The following DPP10 variants were observed in gnomAD, a reference collection of about 807,000 sequenced individuals.
DPP10 encodes dipeptidyl peptidase like 10.
DPP10 carries 33 observed loss-of-function variants against 120.9 expected under a neutral mutation model. The observed-to-expected ratio is 0.27, with a 90% CI of 0.21 to 0.37. DPP10 has a LOEUF of 0.37. Among genes scored for constraint, DPP10 ranks in the 10% least tolerant of loss-of-function variants. The pLI, the probability that DPP10 is intolerant of heterozygous loss-of-function variation, is 1.00. For missense variants in DPP10, 816 were observed against 942.8 expected, an observed-to-expected ratio of 0.87 and a Z score of 1.76; for synonymous variants, 337 against 326.1, an observed-to-expected ratio of 1.03 and a Z score of -0.36.
At chr2:115,592,254 C>T (rs1352729380) in intron 5 of DPP10, among the ~76,000 whole-genome samples, 1 of 152,040 alleles carries the variant, frequency 6.6e-6, no homozygotes, top group Non-Finnish European at 1.5e-5. Flanking sequence ...GAGCATGCCC[C>T]ACAACAGGTT....
At chr2:115,402,854 A>AAAAAAAT (rs1476901026) in intron 3 of DPP10, among the ~76,000 whole-genome samples, 4 of 97,638 alleles carry the variant, frequency 4.1e-5, no homozygotes, top group South Asian at 3.5e-4. Flanking sequence ...AAAAAAAAAA[A>AAAAAAAT]ATATATATAT....
chr2:114,586,138 C>G (rs1690964034), intron 1 of DPP10, among the ~76,000 whole-genome samples: 1 of 152,072 alleles, frequency 6.6e-6, no homozygotes, highest in Non-Finnish European at 1.5e-5. Context: ...GTAGTCCCAG[C>G]TACTTAGTAG....
At chr2:114,748,461 G>A (rs1302676600) in intron 1 of DPP10, among the ~76,000 whole-genome samples, 1 of 138,510 alleles carries the variant, frequency 7.2e-6, no homozygotes, top group East Asian at 2.1e-4. Flanking sequence ...GTGCAGGTTA[G>A]TTACATATGT....
intron 1 of DPP10, among the ~76,000 whole-genome samples, chr2:114,991,523 T>C (rs1363033889): frequency 1.3e-5 from 2 of 152,282 alleles, no homozygotes; most frequent in East Asian, 1.9e-4. Context: ...CATGATACAA[T>C]AGATTTCTAT....
intron 8 of DPP10, among the ~76,000 whole-genome samples, chr2:115,736,235 C>T (rs891686836): frequency 6.6e-6 from 1 of 152,134 alleles, no homozygotes; most frequent in Non-Finnish European, 1.5e-5. Context: ...AACACTACTA[C>T]TTCTACCCCT....
intron 1 of DPP10, among the ~76,000 whole-genome samples, chr2:114,900,388 C>T (rs1246350766): frequency 1.3e-5 from 2 of 152,174 alleles, no homozygotes; most frequent in African/African-American, 4.8e-5. Flanking sequence ...GGCTCCCCTT[C>T]CTTACCAATG....
At chr2:115,369,288 TC>T in intron 3 of DPP10, among the ~76,000 whole-genome samples, 2 of 152,184 alleles carry the variant, frequency 1.3e-5, no homozygotes, top group East Asian at 3.9e-4. Flanking sequence ...CAAGATTATT[TC>T]ATAAACAAGT....
chr2:115,112,224 C>T (rs1036251359), intron 1 of DPP10, among the ~76,000 whole-genome samples: 14 of 151,878 alleles, frequency 9.2e-5, no homozygotes, highest in Middle Eastern at 3.4e-3. Context: ...TAATCTTTTC[C>T]TTTATTATTC....
chr2:115,096,920 A>G lies in DPP10; in HGVS notation c.61-212319A>G, dbSNP rs532590631. On this transcript the variant is annotated intron_variant, in intron 1 of 25. Coordinates refer to ENST00000410059, the MANE Select transcript of DPP10 (RefSeq NM_020868.6). ...AAGTTTTAAGAATAAATAAATCAAT[A>G]AACATCCATTTCAATCCTGATAGTA... Among the ~76,000 whole-genome samples the G allele has an allele frequency of 3.9e-5, 6 of 152,326 alleles. No individual in the cohort carries two copies. In the South Asian group the frequency reaches 1.2e-3, roughly 32 times the overall value.
chr2:115,496,932 G>A (rs909700169), intron 3 of DPP10, among the ~76,000 whole-genome samples: 1 of 151,944 alleles, frequency 6.6e-6, no homozygotes, highest in Admixed American at 6.6e-5. Flanking sequence ...GGTTGGGGGG[G>A]ATGCAATTAT....
intron 2 of DPP10, among the ~76,000 whole-genome samples, chr2:115,335,926 T>G (rs1200472102): frequency 1.3e-5 from 2 of 152,126 alleles, no homozygotes; most frequent in Non-Finnish European, 2.9e-5. Flanking sequence ...TAGCTTGTTC[T>G]TCTTGTGGGA....
intron 1 of DPP10, among the ~76,000 whole-genome samples, chr2:115,065,146 A>C (rs1372175501): frequency 6.6e-6 from 1 of 152,202 alleles, no homozygotes; most frequent in African/African-American, 2.4e-5. Flanking sequence ...ATCATTACAC[A>C]TAACTCTGTA....
At chr2:115,386,412 A>AGT (rs1426373224) in intron 3 of DPP10, among the ~76,000 whole-genome samples, 3 of 152,224 alleles carry the variant, frequency 2.0e-5, no homozygotes, top group African/African-American at 7.2e-5. Context: ...GCGAGCACTC[A>AGT]GTGATGAGTG....
chr2:114,609,034 T>G (rs909491014), intron 1 of DPP10, among the ~76,000 whole-genome samples: 2 of 151,922 alleles, frequency 1.3e-5, no homozygotes, highest in Non-Finnish European at 2.9e-5. Flanking sequence ...ACCCCAAGAA[T>G]CTAAAATAAA....
At chr2:114,534,531 A>T (rs1229883350) in intron 1 of DPP10, among the ~76,000 whole-genome samples, 1 of 152,108 alleles carries the variant, frequency 6.6e-6, no homozygotes, top group Non-Finnish European at 1.5e-5. Context: ...TTTCCCAGAA[A>T]ACCCTCCCAC....
chr2:115,718,145 T>C (rs1383426045), intron 7 of DPP10, among the ~76,000 whole-genome samples: 1 of 151,618 alleles, frequency 6.6e-6, no homozygotes, highest in African/African-American at 2.4e-5. Context: ...ATTATATCTT[T>C]TATCTTTTCT....
intron 3 of DPP10, among the ~76,000 whole-genome samples, chr2:115,358,830 G>C (rs923629282): frequency 6.6e-6 from 1 of 152,134 alleles, no homozygotes; most frequent in Non-Finnish European, 1.5e-5. Context: ...TCACATGGCA[G>C]TACCACGGAG....
In DPP10 at chr2:114,539,054, T is replaced by C. The variant is rs185422190; in HGVS notation, c.60+96216T>C. Among the ~76,000 whole-genome samples, 129 of 152,178 alleles carry C rather than the reference T, an allele frequency of 8.5e-4. 1 individual carries two copies. The highest frequency in any genetic ancestry group is 1.4e-3 in the Non-Finnish European group (98 of 67,998). ...AGAGATGACAGCCACTTTGATCTTC[T>C]TGCTTCTACTCATAACCTTTAATTG... On this transcript the variant is annotated intron_variant, in intron 1 of 25. Transcript: ENST00000410059.
At chr2:115,623,047 G>T (rs924270137) in intron 5 of DPP10, among the ~76,000 whole-genome samples, 2 of 151,730 alleles carry the variant, frequency 1.3e-5, no homozygotes, top group Non-Finnish European at 2.9e-5. Context: ...GGCTTTCACC[G>T]TGTTAGCCAG....
Sources: gnomAD v4.1 joint callset for allele counts (sites outside exome capture counted in the v4.1 genomes callset) on GRCh38, gnomAD v4.1.1 for gene constraint, MANE v1.5 for transcripts, NCBI Gene and HGNC (gene_info 2026-07-23, HGNC 2026-07-21) for gene names.